NLRC3: variants seen among roughly 807,000 people sequenced by gnomAD.
NLRC3 encodes the protein NLR family CARD domain containing 3.
A neutral mutation model predicts 91.6 loss-of-function variants in NLRC3; 87 were observed. That is an observed-to-expected ratio of 0.95 (90% CI 0.80 to 1.14). NLRC3 has a LOEUF of 1.14. NLRC3 is among the 50% of genes most tolerant of loss of function. The probability of loss-of-function intolerance (pLI) is 0.00; values close to 1 mark genes in which losing one functional copy is unlikely to be tolerated. For synonymous variants in NLRC3, 694 were observed against 625.3 expected (o/e 1.11, Z -1.64); for missense variants, 1,577 against 1,418.6 (o/e 1.11, Z -1.79).
In NLRC3 at chr16:3,554,274, G is replaced by A; in HGVS notation, c.2235C>T (p.Ala745=). ...RDDGARSMAE[A]LASNRTLSML... ...TGGAGAGGGTCCGGTTGGAGGCCAA[G>A]GCCTCAGCCATGGACCTGGCACCAT... The change falls in exon 9 of 20, where the codon GCC becomes GCT. Residue 745 remains alanine, a synonymous_variant. Transcript: ENST00000359128. 6.2e-7 allele frequency: 1 copy of A among 1,613,862 alleles called. No individual in the cohort carries two copies.
intron 1 of NLRC3, among the ~76,000 whole-genome samples, chr16:3,575,220 G>A (rs1053442170): frequency 6.6e-6 from 1 of 152,140 alleles, no homozygotes; most frequent in South Asian, 2.1e-4. Context: ...CAACCCCCCT[G>A]CCATTGCCAG....
intron 8 of NLRC3, among the ~76,000 whole-genome samples, chr16:3,554,996 G>A (rs1157486985): frequency 1.3e-5 from 2 of 152,110 alleles, no homozygotes; most frequent in Non-Finnish European, 2.9e-5. Flanking sequence ...TTGGGAGGCC[G>A]AGGTGGGTGG....
At position 3,549,879 on chromosome 16, in the gene NLRC3, G is replaced by A. The variant is rs2038904731; in HGVS notation, c.2436-99C>T. 5 of 749,084 alleles carry A rather than the reference G, an allele frequency of 6.7e-6. No homozygotes were observed. The South Asian group carries it at 6.7e-5, about 10-fold the overall frequency. 46.4% of individuals were successfully genotyped at this position (749,084 alleles called of 1,614,324 possible). A position where few individuals can be genotyped will look rare whatever the true frequency, so the allele number is the denominator to read the frequency against. On this transcript the variant is annotated intron_variant, in intron 11 of 19. Coordinates refer to ENST00000359128, the MANE Select transcript of NLRC3 (RefSeq NM_178844.4). ...CAGCAGGCACTGGGCTCAACAGGGA[G>A]TTGGGGGCTCCAGGGACAGTGGTGG...
chr16:3,560,207 G>A (rs1211723205), intron 6 of NLRC3, among the ~76,000 whole-genome samples: 3 of 152,022 alleles, frequency 2.0e-5, no homozygotes, highest in South Asian at 2.1e-4. Flanking sequence ...CTGAGGTCAG[G>A]AGTTTGAGAC....
intron 1 of NLRC3, among the ~76,000 whole-genome samples, chr16:3,569,383 T>C (rs2040004940): frequency 1.8e-5 from 2 of 109,844 alleles, no homozygotes; most frequent in African/African-American, 7.9e-5. Context: ...TATATATATA[T>C]ATATATATAT....
chr16:3,544,151 CTT>C, intron 16 of NLRC3, 93 bp downstream of exon 16: 1 of 746,578 alleles, frequency 1.3e-6, no homozygotes. Context: ...GAGCAAGACT[CTT>C]GTCTCGAGGA....
In NLRC3 at chr16:3,563,955, C is replaced by T. The variant is rs373454671; in HGVS notation, c.982G>A (p.Val328Ile). 65 of 1,598,674 alleles carry T rather than the reference C, an allele frequency of 4.1e-5. No homozygotes were observed. The highest frequency in any genetic ancestry group is 8.0e-5 in the African/African-American group (6 of 74,806). The change falls in exon 5 of 20, where the codon GTC becomes ATC. Residue 328 changes from valine to isoleucine, a missense_variant. Coordinates refer to ENST00000359128, the MANE Select transcript of NLRC3 (RefSeq NM_178844.4). ...CCCGTGAGCCTGCAGAAGGCTGGGACGGTGCACATCAGGTACAGGGCCCTG... is the reference window on the plus strand; with the variant it reads ...CCCGTGAGCCTGCAGAAGGCTGGGATGGTGCACATCAGGTACAGGGCCCTG... The part of the protein sequence containing the change: ...ADRALYLMCT[V>I]PAFCRLTGMA...
Position 3,564,850 on chromosome 16 carries a change from C to T in NLRC3, c.178+9G>A, listed in dbSNP as rs766372504. 1.6e-5 allele frequency: 25 copies of T among 1,597,090 alleles called. No individual in the cohort carries two copies. The highest frequency in any genetic ancestry group is 5.3e-5 in the African/African-American group (4 of 74,850). ...CCCACCCCGCGTCTGCCTCCCAAGC[C>T]GGTCCTACCATTGCTGCAGGGCCCC... On this transcript the variant is annotated intron_variant, in intron 4 of 19. Coordinates refer to ENST00000359128, the MANE Select transcript of NLRC3 (RefSeq NM_178844.4). This position sits in a 1 kb window ranked among gnomAD's most constrained non-coding sequence, Gnocchi z 5.9.
In NLRC3 at chr16:3,577,195, TG is replaced by T; in HGVS notation, c.-216del. 1 of 703,002 alleles carries T rather than the reference TG, an allele frequency of 1.4e-6. No individual in the cohort carries two copies. Among genetic ancestry groups the T allele is most frequent in the Non-Finnish European group, 2.6e-6 (1 of 385,006 alleles). The allele number at this position is 703,002 out of a possible 1,614,324, so 43.5% of individuals were successfully genotyped here. On this transcript the variant is annotated 5_prime_UTR_variant, in exon 1 of 20. It introduces an in-frame stop codon into an upstream open reading frame of the 5' UTR. Coordinates refer to ENST00000359128, the MANE Select transcript of NLRC3 (RefSeq NM_178844.4). ...CCAGGGACAGCAAGACTGGGGGGCC[TG>T]GGGGCGTCCATCTCCATGCTCCTGG...
In NLRC3 at chr16:3,542,772, T is replaced by C. The variant is rs2038474086; in HGVS notation, c.2943A>G (p.Leu981=). 3 of 1,603,266 alleles carry C rather than the reference T, an allele frequency of 1.9e-6. No homozygotes were observed. The highest frequency in any genetic ancestry group is 2.6e-6 in the Non-Finnish European group (3 of 1,174,302). Residue 981 remains leucine, a synonymous_variant, in exon 18 of 20, where the codon TTA becomes TTG. Transcript: ENST00000359128. ...AVNRTLEILD[L]RGNAIGVAGA... ...CAGCCACCCCAATGGCATTTCCTCT[T>C]AAGCTGTTGGGAAAGACAGGAAGCC...
chr16:3,573,357 G>A (rs975807932), intron 1 of NLRC3, among the ~76,000 whole-genome samples: 7 of 152,102 alleles, frequency 4.6e-5, no homozygotes, highest in East Asian at 1.9e-4. Context: ...AACTCCCGCC[G>A]TCAAGGCTGC....
chr16:3,542,036 A>G, intron 19 of NLRC3, 121 bp from the exon 20 acceptor site: 4 of 801,962 alleles, frequency 5.0e-6, no homozygotes, highest in South Asian at 4.5e-5. Flanking sequence ...TCCCCTCGCT[A>G]CATGGACAAG....
intron 1 of NLRC3, among the ~76,000 whole-genome samples, chr16:3,574,730 G>T (rs1449792014): frequency 1.3e-5 from 2 of 152,166 alleles, no homozygotes; most frequent in Non-Finnish European, 2.9e-5. Flanking sequence ...GGAGGCTGAG[G>T]TGGGCAGATC....
At position 3,577,195 on chromosome 16, in the gene NLRC3, T is replaced by C. The variant is rs1388362887; in HGVS notation, c.-215A>G. 1.4e-6 allele frequency: 1 copy of C among 703,002 alleles called. No homozygotes were observed. The highest frequency in any genetic ancestry group is 2.6e-6 in the Non-Finnish European group (1 of 385,006). 43.5% of individuals were successfully genotyped at this position (703,002 alleles called of 1,614,324 possible). ...CCAGGGACAGCAAGACTGGGGGGCC[T>C]GGGGGCGTCCATCTCCATGCTCCTG... On this transcript the variant is annotated 5_prime_UTR_variant, in exon 1 of 20. Coordinates refer to ENST00000359128, the MANE Select transcript of NLRC3 (RefSeq NM_178844.4).
At chr16:3,543,599 T>A in intron 16 of NLRC3, 91 bp from the exon 17 acceptor site, 1 of 849,678 alleles carries the variant, frequency 1.2e-6, no homozygotes, top group Non-Finnish European at 1.9e-6. Context: ...TGACTCAGGA[T>A]GGAAAGTGGA....
intron 17 of NLRC3, 54 bp downstream of exon 17, chr16:3,543,371 G>A: frequency 8.2e-7 from 1 of 1,217,572 alleles, no homozygotes; most frequent in Non-Finnish European, 1.2e-6. Flanking sequence ...TATTCATTGA[G>A]AATTCATTGA....
At chr16:3,543,638 G>A (rs1041052616) in intron 16 of NLRC3, 130 bp from the exon 17 acceptor site, 25 of 675,306 alleles carry the variant, frequency 3.7e-5, no homozygotes, top group African/African-American at 7.1e-5. Flanking sequence ...GTTGGCCAGC[G>A]CTGTGTCTAG....
rs780111893 is a variant in NLRC3, at chr16:3,564,086, G to A, written c.851C>T (p.Thr284Met). The A allele has an allele frequency of 2.7e-5, 44 of 1,613,352 alleles. No homozygotes were observed. Among genetic ancestry groups the A allele is most frequent in the African/African-American group, 5.3e-5 (4 of 74,954 alleles). ...QIPGGLVDRM[T>M]EIRGFNEEEI... The stretch of plus-strand genomic sequence containing the variant: ...CTCCTCGTTAAAGCCCCGGATCTCC[G>A]TCATCCGGTCCACCAGGCCCCCTGG... Residue 284 changes from threonine (T) to methionine (M), a missense_variant, in exon 5 of 20, where the codon ACG becomes ATG. Coordinates refer to ENST00000359128, the MANE Select transcript of NLRC3 (RefSeq NM_178844.4). The surrounding 1 kb of genome is among the most constrained non-coding windows in gnomAD (Gnocchi z 5.9).
intron 2 of NLRC3, among the ~76,000 whole-genome samples, chr16:3,566,101 CAA>C (rs1027448717): frequency 1.4e-3 from 29 of 21,312 alleles, no homozygotes; most frequent in South Asian, 2.2e-3. Context: ...GAGCAAAAAG[CAA>C]AAAAAAAAAA....
Sources: allele counts gnomAD v4.1 joint callset (sites outside exome capture counted in the v4.1 genomes callset), GRCh38; gene constraint gnomAD v4.1.1; non-coding constraint Gnocchi (gnomAD v3.1); transcripts MANE v1.5; gene names NCBI Gene and HGNC (gene_info 2026-07-23, HGNC 2026-07-21).